The following TEC variants were observed in gnomAD, a reference collection of about 807,000 sequenced individuals.
TEC encodes tec protein tyrosine kinase.
A neutral mutation model predicts 93.0 loss-of-function variants in TEC; 72 were observed. That is an observed-to-expected ratio of 0.77 (90% confidence interval 0.64 to 0.94). TEC has a LOEUF of 0.94. Ranked by LOEUF, TEC falls within the 40% of genes least tolerant of loss-of-function variation. The pLI, the probability that TEC is intolerant of heterozygous loss-of-function variation, is 0.00. For synonymous variants in TEC, 249 were observed against 247.7 expected (o/e 1.01, Z -0.05); for missense variants, 630 against 757.9 (o/e 0.83, Z 1.98).
intron 1 of TEC, among the ~76,000 whole-genome samples, chr4:48,255,002 T>C (rs1199644535): frequency 6.6e-6 from 1 of 152,152 alleles, no homozygotes; most frequent in Non-Finnish European, 1.5e-5. Context: ...AGACAGACAA[T>C]AGCATAGGGA....
At chr4:48,234,069 T>C (rs566743934) in intron 1 of TEC, among the ~76,000 whole-genome samples, 2 of 152,320 alleles carry the variant, frequency 1.3e-5, no homozygotes, top group Admixed American at 6.5e-5. Context: ...CAAGCTTAAA[T>C]GTAAGTTTCA....
chr4:48,168,849 C>T (rs550414596), intron 5 of TEC, among the ~76,000 whole-genome samples: 8 of 152,262 alleles, frequency 5.3e-5, no homozygotes, highest in African/African-American at 1.4e-4. Flanking sequence ...ACAATAAATG[C>T]CACAGGGATT....
At chr4:48,183,411 T>C (rs1032347638) in intron 2 of TEC, among the ~76,000 whole-genome samples, 1 of 152,216 alleles carries the variant, frequency 6.6e-6, no homozygotes, top group Non-Finnish European at 1.5e-5. Flanking sequence ...TGTGAAGGTG[T>C]TCCTGGAAGA....
rs1470565465 is a variant in TEC at position 48,146,402 on chromosome 4, A to G, written c.1007-3T>C. On this transcript the variant is annotated splice_region_variant and splice_polypyrimidine_tract_variant and intron_variant, in intron 11 of 17. Transcript: ENST00000381501. ...GTACCGAAGCCTGGTGACAAGTCCT[A>G]ATAATCAAAGAAAGCGTTGCAGTCA... 8 of 1,613,338 alleles carry G rather than the reference A, an allele frequency of 5.0e-6. No individual in the cohort carries two copies. The highest frequency in any genetic ancestry group is 6.8e-6 in the Non-Finnish European group (8 of 1,179,502).
rs746867075 is a variant in TEC at position 48,141,336 on chromosome 4, C to T, written c.1535+19G>A. Reference sequence around the variant, plus strand: ...AAAAAATGCAAACATCACCTAAAACCACGTATACTTGGACATACCTGGCCA... The same window carrying T: ...AAAAAATGCAAACATCACCTAAAACTACGTATACTTGGACATACCTGGCCA... On this transcript the variant is annotated intron_variant, in intron 15 of 17. Transcript: ENST00000381501. 5 of 1,610,710 alleles carry T rather than the reference C, an allele frequency of 3.1e-6. No individual in the cohort carries two copies. Among genetic ancestry groups the T allele is most frequent in the Non-Finnish European group, 4.2e-6 (5 of 1,177,734 alleles).
chr4:48,170,174 T>C, intron 5 of TEC, 74 bp downstream of exon 5: 3 of 1,272,852 alleles, frequency 2.4e-6, no homozygotes, highest in Non-Finnish European at 3.3e-6. Context: ...ATCAAAACCA[T>C]GTCACTTTCT....
chr4:48,207,585 C>T (rs1455887482), intron 2 of TEC, among the ~76,000 whole-genome samples: 1 of 143,640 alleles, frequency 7.0e-6, no homozygotes, highest in Non-Finnish European at 1.5e-5. Context: ...AGTTCGAGAC[C>T]AGCCTGGCCA....
chr4:48,160,737 A>AAAAAG (rs1553885872), intron 8 of TEC, among the ~76,000 whole-genome samples: 8 of 131,420 alleles, frequency 6.1e-5, no homozygotes, highest in East Asian at 4.8e-4. Flanking sequence ...CAGAAAAAAA[A>AAAAAG]AAAGAAAGAA....
intron 1 of TEC, among the ~76,000 whole-genome samples, chr4:48,269,428 G>A (rs1198168206): frequency 5.9e-5 from 9 of 151,976 alleles, no homozygotes; most frequent in Non-Finnish European, 1.3e-4. Flanking sequence ...GCCGCAGGGC[G>A]GCCTCAGGCC....
In TEC at chr4:48,150,849, G is replaced by T; in HGVS notation, c.872+14C>A. The T allele has an allele frequency of 6.7e-7, 1 of 1,490,988 alleles. No homozygotes were observed. The highest frequency in any genetic ancestry group is 1.5e-5 in the South Asian group (1 of 67,472). The allele number at this position is 1,490,988 out of a possible 1,614,324, so 92.4% of individuals were successfully genotyped here. On this transcript the variant is annotated intron_variant, in intron 10 of 17. Transcript: ENST00000381501. ...AAACTCTAAATTATAAAAAAAAATGGCAGGATTACTCACCCTCCAAACTTG... is the reference window on the plus strand; with the variant it reads ...AAACTCTAAATTATAAAAAAAAATGTCAGGATTACTCACCCTCCAAACTTG...
chr4:48,176,220 C>A, intron 2 of TEC, 34 bp from the exon 3 acceptor site: 1 of 1,501,894 alleles, frequency 6.7e-7, no homozygotes, highest in Non-Finnish European at 9.2e-7. Context: ...ACATTAGAAT[C>A]ATAAGACATA....
chr4:48,151,040 T>C (rs1375183638), intron 9 of TEC, 98 bp from the exon 10 acceptor site: 3 of 777,716 alleles, frequency 3.9e-6, no homozygotes, highest in South Asian at 3.0e-5. Context: ...TTTATGATTA[T>C]TATTCTTTCC....
chr4:48,236,493 A>G (rs1723789107), intron 1 of TEC, among the ~76,000 whole-genome samples: 1 of 152,176 alleles, frequency 6.6e-6, no homozygotes, highest in African/African-American at 2.4e-5. Context: ...CGTGTTAGCC[A>G]GGATGGTCTC....
intron 1 of TEC, among the ~76,000 whole-genome samples, chr4:48,242,999 T>C (rs2704389): frequency 0.95 from 145,205 of 152,248 alleles, 69,306 homozygotes; most frequent in East Asian, 1. Context: ...AATTATTCTA[T>C]GTAGCTTGAT....
intron 2 of TEC, among the ~76,000 whole-genome samples, chr4:48,224,892 C>T (rs1723390602): frequency 6.6e-6 from 1 of 152,152 alleles, no homozygotes. Flanking sequence ...TTCTGTCTAA[C>T]ATTATGAACT....
Position 48,138,808 on chromosome 4 carries a change from C to T in TEC, c.1669G>A (p.Glu557Lys). 2 of 1,613,602 alleles carry T rather than the reference C, an allele frequency of 1.2e-6. No homozygotes were observed. The highest frequency in any genetic ancestry group is 8.5e-7 in the Non-Finnish European group (1 of 1,179,724). The change falls in exon 17 of 18, where the codon GAA (glutamate) becomes AAA (lysine). Residue 557 changes from glutamate (E) to lysine (K), a missense_variant. Coordinates refer to ENST00000381501, the MANE Select transcript of TEC (RefSeq NM_003215.3). ...DVWSFGVLMW[E>K]VFTEGRMPFE... ...GGCATTCTGCCTTCCGTGAATACTT[C>T]CCACATTAAAACACCTGGAAAAGGA...
chr4:48,174,574 G>A (rs769221319), intron 3 of TEC, among the ~76,000 whole-genome samples: 5 of 151,742 alleles, frequency 3.3e-5, no homozygotes, highest in African/African-American at 1.2e-4. Context: ...CATGAGAATC[G>A]CTTGAACCTG....
intron 2 of TEC, among the ~76,000 whole-genome samples, chr4:48,192,788 C>A (rs1191525623): frequency 6.6e-6 from 1 of 152,182 alleles, no homozygotes; most frequent in Non-Finnish European, 1.5e-5. Context: ...CTCACCCATC[C>A]ATTTGATTCA....
intron 6 of TEC, 90 bp downstream of exon 6, chr4:48,168,496 C>T: frequency 3.0e-6 from 4 of 1,347,524 alleles, no homozygotes; most frequent in Non-Finnish European, 4.2e-6. Flanking sequence ...GAATAAACCG[C>T]ATACTCAGTA....
Sources: allele counts gnomAD v4.1 joint callset (sites outside exome capture counted in the v4.1 genomes callset), GRCh38; gene constraint gnomAD v4.1.1; transcripts MANE v1.5; gene names NCBI Gene and HGNC (gene_info 2026-07-23, HGNC 2026-07-21).